Variants in TAS2R1 observed in about 807,000 individuals in gnomAD.
The protein encoded by TAS2R1 is taste 2 receptor member 1.
For missense variants in TAS2R1, 370 were observed against 353.4 expected (o/e 1.05, Z -0.38); for synonymous variants, 141 against 134.2 (o/e 1.05, Z -0.35).
At chr5:9,677,971 G>A (rs1740907887) in intron 1 of TAS2R1, among the ~76,000 whole-genome samples, 1 of 152,126 alleles carries the variant, frequency 6.6e-6, no homozygotes, top group African/African-American at 2.4e-5. Context: ...GGCAGCTGAG[G>A]TGGGAAGATT....
At chr5:9,883,886 G>A in the TAS2R1 span, 1 of 152,170 alleles carries the variant, frequency 6.6e-6, no homozygotes, top group Non-Finnish European at 1.5e-5. Flanking sequence ...ACCGCAAAGT[G>A]GGTAATTTAT....
chr5:9,770,267 A>G, the TAS2R1 span, among the ~76,000 whole-genome samples: 1 of 152,076 alleles, frequency 6.6e-6, no homozygotes, highest in African/African-American at 2.4e-5. Flanking sequence ...TAATTGGTCT[A>G]TGTGTCTGTT....
At chr5:9,800,913 TG>T in the TAS2R1 span, among the ~76,000 whole-genome samples, 8 of 152,150 alleles carry the variant, frequency 5.3e-5, no homozygotes, top group African/African-American at 1.7e-4. Context: ...AAGAAGAGGC[TG>T]GGCATGGTGG....
At chr5:9,707,114 A>G (rs1275197494) in intron 1 of TAS2R1, among the ~76,000 whole-genome samples, 1 of 152,154 alleles carries the variant, frequency 6.6e-6, no homozygotes, top group Non-Finnish European at 1.5e-5. Flanking sequence ...ACTGCCCCAG[A>G]GCCAAGAGAG....
chr5:9,793,544 A>C, the TAS2R1 span, among the ~76,000 whole-genome samples: 1 of 152,190 alleles, frequency 6.6e-6, no homozygotes, highest in Non-Finnish European at 1.5e-5. Flanking sequence ...GGAAGACACA[A>C]TAAAATCAGC....
In TAS2R1 at chr5:9,629,105, G is replaced by T. The variant is rs1739814249; in HGVS notation, c.*28C>A. Reference sequence around the variant, plus strand: ...GGCATGGGTAAATCATTGAATCATGGGTTCTTTGAACTGATCCAACTTCTC... The same window carrying T: ...GGCATGGGTAAATCATTGAATCATGTGTTCTTTGAACTGATCCAACTTCTC... On this transcript the variant is annotated 3_prime_UTR_variant, in exon 1 of 1. Transcript: ENST00000382492. 6.6e-7 allele frequency: 1 copy of T among 1,511,024 alleles called. No homozygotes were observed. Among genetic ancestry groups the T allele is most frequent in the African/African-American group, 1.4e-5 (1 of 71,752 alleles). 93.6% of individuals were successfully genotyped at this position (1,511,024 alleles called of 1,614,324 possible). A position where few individuals can be genotyped will look rare whatever the true frequency, so the allele number is the denominator to read the frequency against.
At chr5:9,638,300 T>C (rs1314209361) in intron 2 of TAS2R1, among the ~76,000 whole-genome samples, 1 of 152,052 alleles carries the variant, frequency 6.6e-6, no homozygotes, top group Admixed American at 6.6e-5. Flanking sequence ...CTCCCAGACA[T>C]GGATTCCAGC....
chr5:9,707,100 A>C (rs1375268664), intron 1 of TAS2R1, among the ~76,000 whole-genome samples: 2 of 152,190 alleles, frequency 1.3e-5, no homozygotes, highest in African/African-American at 4.8e-5. Context: ...TTCTAACAGC[A>C]GTCACTGCCC....
chr5:9,714,887 T>C (rs1734772488), upstream of TAS2R1, among the ~76,000 whole-genome samples: 1 of 152,260 alleles, frequency 6.6e-6, no homozygotes, highest in Non-Finnish European at 1.5e-5. Flanking sequence ...TACACCTATA[T>C]TATGTGTGCA....
chr5:9,744,653 T>C, the TAS2R1 span, among the ~76,000 whole-genome samples: 1 of 152,200 alleles, frequency 6.6e-6, no homozygotes, highest in Non-Finnish European at 1.5e-5. Context: ...GGTTTGTTTA[T>C]AGCTGTGGTG....
the TAS2R1 span, among the ~76,000 whole-genome samples, chr5:9,772,145 TA>T: frequency 6.6e-6 from 1 of 152,112 alleles, no homozygotes; most frequent in African/African-American, 2.4e-5. Flanking sequence ...CTTACAGCTA[TA>T]AATTTTCCCT....
At chr5:9,844,574 A>G in the TAS2R1 span, among the ~76,000 whole-genome samples, 1 of 152,292 alleles carries the variant, frequency 6.6e-6, no homozygotes, top group East Asian at 1.9e-4. Flanking sequence ...GTAATTTCAT[A>G]TAGTGCATTC....
chr5:9,709,409 C>T (rs568494863), intron 1 of TAS2R1, among the ~76,000 whole-genome samples: 2 of 152,272 alleles, frequency 1.3e-5, no homozygotes, highest in South Asian at 2.1e-4. Context: ...AATCTACCCT[C>T]CATACCAATG....
chr5:9,743,143 T>C, the TAS2R1 span, among the ~76,000 whole-genome samples: 4 of 152,108 alleles, frequency 2.6e-5, no homozygotes, highest in Admixed American at 6.5e-5. Context: ...TACACACTTA[T>C]GATACATTCC....
chr5:9,836,119 A>C, the TAS2R1 span, among the ~76,000 whole-genome samples: 1 of 151,804 alleles, frequency 6.6e-6, no homozygotes, highest in African/African-American at 2.4e-5. Context: ...TAAAAAGGGG[A>C]GTTTCCCTGA....
chr5:9,842,890 T>A, the TAS2R1 span, among the ~76,000 whole-genome samples: 1 of 152,038 alleles, frequency 6.6e-6, no homozygotes, highest in Non-Finnish European at 1.5e-5. Flanking sequence ...AGCTTCTTAG[T>A]CTCTTGCCCA....
At chr5:9,716,984 T>C (rs528891122), upstream of TAS2R1, among the ~76,000 whole-genome samples, 2 of 152,200 alleles carry the variant, frequency 1.3e-5, no homozygotes, top group South Asian at 2.1e-4. Context: ...TCAAATTGCC[T>C]GAAAGTAACA....
intron 1 of TAS2R1, among the ~76,000 whole-genome samples, chr5:9,685,742 C>A (rs1170170272): frequency 2.0e-5 from 3 of 152,198 alleles, no homozygotes; most frequent in African/African-American, 4.8e-5. Context: ...GGGAAGACTG[C>A]AAAGTATTTC....
At chr5:9,647,677 A>G (rs1431675986) in intron 2 of TAS2R1, among the ~76,000 whole-genome samples, 1 of 152,230 alleles carries the variant, frequency 6.6e-6, no homozygotes, top group African/African-American at 2.4e-5. Flanking sequence ...AATTTTCTGT[A>G]GACATTAATA....
Sources: gnomAD v4.1 joint callset for allele counts (sites outside exome capture counted in the v4.1 genomes callset) on GRCh38, gnomAD v4.1.1 for gene constraint, MANE v1.5 for transcripts, NCBI Gene and HGNC (gene_info 2026-07-23, HGNC 2026-07-21) for gene names.